Variants in GARIN5A observed in about 807,000 individuals in gnomAD.
The protein encoded by GARIN5A is Golgi-associated RAB2 interactor protein 5A.
chr19:50,467,725 G>T, the GARIN5A span: 1 of 1,602,864 alleles, frequency 6.2e-7, no homozygotes, highest in Admixed American at 1.7e-5. Context: ...CTTGAGTGGG[G>T]CCCGCAGCTG....
At chr19:50,471,607 T>C in the GARIN5A span, among the ~76,000 whole-genome samples, 1 of 152,008 alleles carries the variant, frequency 6.6e-6, no homozygotes, top group African/African-American at 2.4e-5. Flanking sequence ...GATCCATATA[T>C]ATGTGTGTAT....
At chr19:50,475,726 G>A in the GARIN5A span, 7 of 837,592 alleles carry the variant, frequency 8.4e-6, no homozygotes, top group East Asian at 2.6e-5. Flanking sequence ...GTTGGGAGTC[G>A]GGAATCCCAC....
chr19:50,467,718 G>C, the GARIN5A span: 2 of 1,601,510 alleles, frequency 1.2e-6, no homozygotes, highest in East Asian at 2.3e-5. Flanking sequence ...CTCGGGTCTT[G>C]AGTGGGGCCC....
chr19:50,470,825 T>C, the GARIN5A span, among the ~76,000 whole-genome samples: 1 of 151,622 alleles, frequency 6.6e-6, no homozygotes, highest in Non-Finnish European at 1.5e-5. Flanking sequence ...CGGCTAATTT[T>C]TGTATTTTTT....
chr19:50,470,705 A>G, the GARIN5A span, among the ~76,000 whole-genome samples: 2 of 122,244 alleles, frequency 1.6e-5, no homozygotes, highest in East Asian at 5.4e-4. Flanking sequence ...CCCGGGCTGG[A>G]GTGTAATGGC....
the GARIN5A span, chr19:50,476,446 A>C: frequency 1.3e-6 from 2 of 1,558,692 alleles, no homozygotes; most frequent in African/African-American, 2.7e-5. Context: ...GCCGGGGCCC[A>C]GCGCAGGCGC....
chr19:50,472,230 A>G, the GARIN5A span, among the ~76,000 whole-genome samples: 11 of 82,950 alleles, frequency 1.3e-4, no homozygotes, highest in South Asian at 4.6e-4. Flanking sequence ...GTATATATAC[A>G]TGTATGTGTG....
chr19:50,472,067 T>C, the GARIN5A span, among the ~76,000 whole-genome samples: 2 of 114,542 alleles, frequency 1.7e-5, no homozygotes, highest in East Asian at 4.6e-4. Flanking sequence ...TGTGTGTATA[T>C]GTGTATATAT....
At chr19:50,472,011 TAC>T in the GARIN5A span, among the ~76,000 whole-genome samples, 2,255 of 150,088 alleles carry the variant, frequency 0.015, 90 homozygotes, top group African/African-American at 0.053. Context: ...TATGTATATA[TAC>T]GTGTGTATAT....
the GARIN5A span, among the ~76,000 whole-genome samples, chr19:50,472,099 T>C: frequency 1.4e-5 from 2 of 142,828 alleles, no homozygotes; most frequent in East Asian, 4.0e-4. Context: ...TATGTATATG[T>C]ATATATACGT....
the GARIN5A span, among the ~76,000 whole-genome samples, chr19:50,468,460 G>A: frequency 1.3e-5 from 2 of 150,366 alleles, no homozygotes; most frequent in African/African-American, 4.9e-5. Flanking sequence ...AGCTCCCTCA[G>A]CCCCTCACAC....
At chr19:50,469,062 C>A in the GARIN5A span, among the ~76,000 whole-genome samples, 4 of 152,170 alleles carry the variant, frequency 2.6e-5, no homozygotes, top group Non-Finnish European at 4.4e-5. Flanking sequence ...TCCCTCTGCT[C>A]AGAGCCTTCC....
the GARIN5A span, chr19:50,475,901 G>A: frequency 1.9e-6 from 3 of 1,613,844 alleles, no homozygotes; most frequent in African/African-American, 1.3e-5. Flanking sequence ...TGGAGGTAGC[G>A]TTGGAGCCGT....
chr19:50,475,855 A>G, the GARIN5A span: 1 of 1,613,830 alleles, frequency 6.2e-7, no homozygotes, highest in South Asian at 1.1e-5. Flanking sequence ...GCTCTCAAAG[A>G]TGGGGAAGTC....
At chr19:50,475,626 G>T in the GARIN5A span, 3 of 729,906 alleles carry the variant, frequency 4.1e-6, no homozygotes, top group Admixed American at 8.4e-5. Context: ...TGGGTGTGAA[G>T]TCAGGGAAAC....
chr19:50,475,750 T>TG, the GARIN5A span: 2 of 999,866 alleles, frequency 2.0e-6, no homozygotes, highest in Non-Finnish European at 3.2e-6. Context: ...ATGGACGTTA[T>TG]GGGGGAGCAG....
the GARIN5A span, among the ~76,000 whole-genome samples, chr19:50,474,175 A>T: frequency 8.7e-5 from 10 of 114,804 alleles, no homozygotes; most frequent in Non-Finnish European, 7.1e-5. Flanking sequence ...TTTCTTTTTT[A>T]TTCTCTCTTT....
At chr19:50,476,735 A>T in the GARIN5A span, 1 of 930,946 alleles carries the variant, frequency 1.1e-6, no homozygotes, top group Non-Finnish European at 1.5e-6. Flanking sequence ...TGAGTTACAG[A>T]CGGAAGGAGG....
At chr19:50,476,043 G>A in the GARIN5A span, 12 of 1,606,666 alleles carry the variant, frequency 7.5e-6, no homozygotes, top group African/African-American at 2.7e-5. Flanking sequence ...AGAGGACGGG[G>A]TATCAGATGC....
Sources: allele counts gnomAD v4.1 joint callset (sites outside exome capture counted in the v4.1 genomes callset), GRCh38; gene constraint gnomAD v4.1.1; transcripts MANE v1.5; gene names NCBI Gene and HGNC (gene_info 2026-07-23, HGNC 2026-07-21).